The following RP1 variants were observed in gnomAD, a reference collection of about 807,000 sequenced individuals.
The protein encoded by RP1 is oxygen-regulated protein 1.
A neutral mutation model predicts 14.8 loss-of-function variants in RP1; 16 were observed. The observed-to-expected ratio is 1.08, with a 90% CI of 0.73 to 1.65. The LOEUF (loss-of-function observed/expected upper bound fraction) is 1.65, where lower values mean the gene tolerates loss of function less well. RP1 is among the 40% of genes most tolerant of loss of function. The probability of loss-of-function intolerance (pLI) is 0.00; values close to 1 mark genes in which losing one functional copy is unlikely to be tolerated. For synonymous variants in RP1, 876 were observed against 883.6 expected (o/e 0.99, Z 0.15); for missense variants, 2,631 against 2,535.0 (o/e 1.04, Z -0.81).
chr8:54,804,476 A>G (rs865971202), intron 24 of RP1, among the ~76,000 whole-genome samples: 1 of 152,212 alleles, frequency 6.6e-6, no homozygotes, highest in South Asian at 2.1e-4. Context: ...AATGTGGGAT[A>G]AAGCACATGA....
rs1223159964 is a variant in RP1 at position 54,662,464 on chromosome 8, C to A, written c.1172-1235C>A. On this transcript the variant is annotated intron_variant, in intron 6 of 22. Coordinates refer to the RP1 transcript ENST00000636932. ...TTTGGAAGGAAGACCCTACTGAAGC[C>A]CAGTTCCACCAAACAGAAGAGAAAG... Among the ~76,000 whole-genome samples the A allele has an allele frequency of 3.9e-5, 6 of 152,254 alleles. No individual in the cohort carries two copies. In the East Asian group the frequency reaches 1.2e-3, roughly 29 times the overall value.
chr8:54,652,826 A>C, exon 5 of RP1: 1 of 1,535,980 alleles, frequency 6.5e-7, no homozygotes, highest in Non-Finnish European at 8.7e-7. Flanking sequence ...CGTATTGGTC[A>C]TACCAACTCT....
chr8:54,780,269 T>C (rs1444007691), intron 23 of RP1, among the ~76,000 whole-genome samples: 1 of 152,226 alleles, frequency 6.6e-6, no homozygotes, highest in Non-Finnish European at 1.5e-5. Context: ...TGGGCCATAG[T>C]TTGCCACCCT....
At chr8:54,722,415 C>A (rs1035513683) in intron 16 of RP1, among the ~76,000 whole-genome samples, 14 of 151,850 alleles carry the variant, frequency 9.2e-5, no homozygotes, top group Admixed American at 6.6e-5. Context: ...GGACTACAGG[C>A]GCCCGCCACC....
intron 25 of RP1, among the ~76,000 whole-genome samples, chr8:54,842,845 C>T (rs1326656416): frequency 6.6e-6 from 1 of 152,184 alleles, no homozygotes; most frequent in Non-Finnish European, 1.5e-5. Flanking sequence ...GCTTGCATCC[C>T]CAGAGCCCTC....
intron 25 of RP1, among the ~76,000 whole-genome samples, chr8:54,838,352 C>A (rs1272119473): frequency 1.3e-5 from 2 of 152,208 alleles, no homozygotes; most frequent in Non-Finnish European, 2.9e-5. Flanking sequence ...TAACTACCTT[C>A]TTTTTGCTTC....
At chr8:54,644,285 GTGGCT>G (rs1806504071) in intron 3 of RP1, among the ~76,000 whole-genome samples, 1 of 152,184 alleles carries the variant, frequency 6.6e-6, no homozygotes, top group East Asian at 1.9e-4. Context: ...GTAATCCTCA[GTGGCT>G]TACTGCTTTG....
intron 24 of RP1, among the ~76,000 whole-genome samples, chr8:54,828,127 G>C (rs550120411): frequency 2.5e-4 from 38 of 152,066 alleles, no homozygotes; most frequent in Non-Finnish European, 5.1e-4. Flanking sequence ...TGAAGGACCT[G>C]CCTGAGGCTG....
chr8:54,567,569 A>G (rs1476131016), intron 1 of RP1, among the ~76,000 whole-genome samples: 4 of 152,086 alleles, frequency 2.6e-5, no homozygotes, highest in Non-Finnish European at 4.4e-5. Flanking sequence ...TTATTTTTTC[A>G]GTGTAATGGA....
intron 24 of RP1, among the ~76,000 whole-genome samples, chr8:54,832,726 T>A (rs544634032): frequency 7.3e-6 from 1 of 137,178 alleles, no homozygotes; most frequent in South Asian, 2.4e-4. Context: ...TCTGTTATAT[T>A]CTTCTGAAGA....
At chr8:54,834,859 T>C (rs998748790) in intron 24 of RP1, among the ~76,000 whole-genome samples, 5 of 152,152 alleles carry the variant, frequency 3.3e-5, no homozygotes, top group Admixed American at 3.3e-4. Context: ...TGACTTGAGA[T>C]GCTGAGTTAA....
chr8:54,669,562 A>G (rs1484154971), intron 7 of RP1, among the ~76,000 whole-genome samples: 1 of 152,226 alleles, frequency 6.6e-6, no homozygotes, highest in Non-Finnish European at 1.5e-5. Context: ...ATGCTGCTAT[A>G]AAGACACGTG....
intron 1 of RP1, among the ~76,000 whole-genome samples, chr8:54,570,050 C>G (rs1163270661): frequency 6.6e-6 from 1 of 152,158 alleles, no homozygotes; most frequent in Non-Finnish European, 1.5e-5. Context: ...AGCTACATCA[C>G]GAGCCCTGTC....
chr8:54,664,834 G>T (rs970233280), intron 7 of RP1, among the ~76,000 whole-genome samples: 2 of 152,108 alleles, frequency 1.3e-5, no homozygotes, highest in Non-Finnish European at 2.9e-5. Context: ...AGACACTAGG[G>T]TGTGGAGAGG....
intron 24 of RP1, among the ~76,000 whole-genome samples, chr8:54,786,501 A>G (rs1810320911): frequency 6.6e-6 from 1 of 152,008 alleles, no homozygotes; most frequent in Admixed American, 6.6e-5. Flanking sequence ...GCCAGTTTTC[A>G]AGACTATTGT....
intron 13 of RP1, among the ~76,000 whole-genome samples, chr8:54,700,169 T>C (rs1018938675): frequency 3.9e-5 from 6 of 151,958 alleles, no homozygotes; most frequent in African/African-American, 1.4e-4. Flanking sequence ...AGTCTGACAC[T>C]AACACCAGTG....
chr8:54,815,191 A>G (rs1811110685), intron 24 of RP1, among the ~76,000 whole-genome samples: 1 of 152,244 alleles, frequency 6.6e-6, no homozygotes, highest in Admixed American at 6.5e-5. Context: ...TCAAAGAGGC[A>G]TGCATAAACT....
At chr8:54,618,781 G>T (rs1027205366) in intron 1 of RP1, among the ~76,000 whole-genome samples, 1 of 151,980 alleles carries the variant, frequency 6.6e-6, no homozygotes, top group African/African-American at 2.4e-5. Context: ...TCAGCCTCCC[G>T]AGTAGAGTAG....
intron 19 of RP1, among the ~76,000 whole-genome samples, chr8:54,754,194 G>A (rs1809443348): frequency 6.6e-6 from 1 of 152,114 alleles, no homozygotes. Context: ...TAGGCATTTG[G>A]TCTGTGGCAA....
Sources: gnomAD v4.1 joint callset for allele counts (sites outside exome capture counted in the v4.1 genomes callset) on GRCh38, gnomAD v4.1.1 for gene constraint, MANE v1.5 for transcripts, NCBI Gene and HGNC (gene_info 2026-07-23, HGNC 2026-07-21) for gene names.